The following THSD7B variants were observed in gnomAD, a reference collection of about 807,000 sequenced individuals.
THSD7B encodes thrombospondin type 1 domain containing 7B.
A neutral mutation model predicts 213.6 loss-of-function variants in THSD7B; 138 were observed. The observed-to-expected ratio is 0.65, with a 90% CI of 0.56 to 0.74. The LOEUF (loss-of-function observed/expected upper bound fraction) is 0.74. Among genes scored for constraint, THSD7B ranks in the 30% least tolerant of loss-of-function variants. The pLI, the probability that THSD7B is intolerant of heterozygous loss-of-function variation, is 0.00. For missense variants in THSD7B, 1,931 were observed against 1,991.5 expected, an observed-to-expected ratio of 0.97 and a Z score of 0.58; for synonymous variants, 742 against 687.0, an observed-to-expected ratio of 1.08 and a Z score of -1.25.
chr2:137,210,600 A>G (rs1258130550), intron 7 of THSD7B, among the ~76,000 whole-genome samples: 1 of 152,012 alleles, frequency 6.6e-6, no homozygotes, highest in East Asian at 1.9e-4. Flanking sequence ...ATCTTTATAA[A>G]CTTTGAGTGG....
chr2:137,448,800 A>AAACAACAAAAAC (rs1553450621), intron 14 of THSD7B, among the ~76,000 whole-genome samples: 1 of 144,866 alleles, frequency 6.9e-6, no homozygotes, highest in East Asian at 2.1e-4. Context: ...CTCCATCTCA[A>AAACAACAAAAAC]AACAACAACA....
chr2:137,412,362 A>G (rs1366259091), intron 14 of THSD7B, among the ~76,000 whole-genome samples: 1 of 152,058 alleles, frequency 6.6e-6, no homozygotes, highest in African/African-American at 2.4e-5. Context: ...GCACTTTGAG[A>G]GGCCGAGGCA....
At chr2:137,329,431 T>C (rs1470390856) in intron 12 of THSD7B, among the ~76,000 whole-genome samples, 1 of 152,094 alleles carries the variant, frequency 6.6e-6, no homozygotes, top group Non-Finnish European at 1.5e-5. Flanking sequence ...GGTGGCATGA[T>C]CTCAGCTCAC....
Position 137,233,092 on chromosome 2 carries a change from C to T in THSD7B, c.2109C>T (p.Val703=), listed in dbSNP as rs1190891345. Residue 703 remains valine (V), a synonymous_variant, in exon 9 of 28, where the codon GTC becomes GTT. Transcript: ENST00000409968. ...GTGTAGGCATTCAGACTCGGAGAGT[C>T]TTCTGTGTCAAGAGTCACGTGGGAC... The part of the protein sequence containing the change: ...TCGVGIQTRR[V]FCVKSHVGQV... The T allele has an allele frequency of 1.2e-6, 2 of 1,613,654 alleles. No individual in the cohort carries two copies. The highest frequency in any genetic ancestry group is 2.7e-5 in the African/African-American group (2 of 74,904).
intron 2 of THSD7B, among the ~76,000 whole-genome samples, chr2:137,012,441 G>A (rs1176683884): frequency 6.6e-6 from 1 of 152,228 alleles, no homozygotes; most frequent in Non-Finnish European, 1.5e-5. Context: ...TGTATGGAAA[G>A]ATGCATCTAA....
At chr2:137,438,904 G>A (rs996151013) in intron 14 of THSD7B, among the ~76,000 whole-genome samples, 1 of 152,060 alleles carries the variant, frequency 6.6e-6, no homozygotes, top group African/African-American at 2.4e-5. Flanking sequence ...GTTTGGGGTA[G>A]GCTGTAAAAC....
intron 2 of THSD7B, among the ~76,000 whole-genome samples, chr2:136,996,557 G>A (rs1196730467): frequency 6.6e-6 from 1 of 151,884 alleles, no homozygotes; most frequent in African/African-American, 2.4e-5. Context: ...TGTTGTCCAG[G>A]CTAGTCTTAA....
intron 1 of THSD7B, among the ~76,000 whole-genome samples, chr2:136,806,060 G>C (rs574929791): frequency 3.0e-4 from 46 of 152,326 alleles, no homozygotes; most frequent in African/African-American, 1.1e-3. Flanking sequence ...GAGTCCCTCA[G>C]GGAAATTCAG....
chr2:137,600,898 G>A (rs72983420), intron 17 of THSD7B, among the ~76,000 whole-genome samples: 10,890 of 152,134 alleles, frequency 0.072, 1,194 homozygotes, highest in African/African-American at 0.24. Context: ...GGAGGTGGAA[G>A]ACAGCAAAAT....
At chr2:136,835,976 G>A (rs192525423) in intron 1 of THSD7B, among the ~76,000 whole-genome samples, 16 of 152,282 alleles carry the variant, frequency 1.1e-4, no homozygotes, top group African/African-American at 3.8e-4. Context: ...TAGGAAGTTT[G>A]CGACTACTCT....
chr2:136,995,625 A>G (rs1685870887), intron 2 of THSD7B, among the ~76,000 whole-genome samples: 1 of 152,124 alleles, frequency 6.6e-6, no homozygotes, highest in African/African-American at 2.4e-5. Context: ...AATCAATATC[A>G]AAGGTGTAAT....
chr2:137,332,232 T>C (rs890883123), intron 12 of THSD7B, among the ~76,000 whole-genome samples: 4 of 152,052 alleles, frequency 2.6e-5, no homozygotes, highest in Non-Finnish European at 4.4e-5. Context: ...CTGAAGGCCA[T>C]TGGAGCCTAC....
intron 12 of THSD7B, among the ~76,000 whole-genome samples, chr2:137,316,345 A>G (rs1035630917): frequency 2.6e-5 from 4 of 152,258 alleles, no homozygotes; most frequent in African/African-American, 7.2e-5. Context: ...AAGCTTAACC[A>G]AAAAGTTACT....
chr2:137,059,370 T>C (rs1687227880), intron 3 of THSD7B, among the ~76,000 whole-genome samples: 1 of 152,188 alleles, frequency 6.6e-6, no homozygotes, highest in South Asian at 2.1e-4. Context: ...CTAATATTGA[T>C]ATATTACTGT....
chr2:136,791,710 G>T (rs1015291550), intron 1 of THSD7B, among the ~76,000 whole-genome samples: 6 of 152,030 alleles, frequency 3.9e-5, no homozygotes, highest in Non-Finnish European at 5.9e-5. Context: ...CTGTGTTCAT[G>T]AATATGTACC....
intron 3 of THSD7B, among the ~76,000 whole-genome samples, chr2:137,079,913 C>T (rs779462629): frequency 3.2e-4 from 48 of 152,138 alleles, no homozygotes; most frequent in Non-Finnish European, 1.6e-4. Context: ...GTTCTCAGCT[C>T]ACTGCAACCT....
chr2:137,072,934 T>G (rs1367577552), intron 3 of THSD7B, among the ~76,000 whole-genome samples: 4 of 152,196 alleles, frequency 2.6e-5, no homozygotes, highest in Non-Finnish European at 5.9e-5. Flanking sequence ...TGAACCAGCC[T>G]TGCATCCCAG....
chr2:137,358,127 A>G (rs1032802731), intron 12 of THSD7B, among the ~76,000 whole-genome samples: 2 of 152,172 alleles, frequency 1.3e-5, no homozygotes, highest in Non-Finnish European at 2.9e-5. Flanking sequence ...TCTTTCAAAT[A>G]TTAGAAAACA....
chr2:137,456,030 A>T (rs1404587025), intron 15 of THSD7B, among the ~76,000 whole-genome samples: 2 of 152,226 alleles, frequency 1.3e-5, no homozygotes, highest in African/African-American at 4.8e-5. Flanking sequence ...ATCAAGATTA[A>T]TTACCTGTGC....
Sources: gnomAD v4.1 joint callset for allele counts (sites outside exome capture counted in the v4.1 genomes callset) on GRCh38, gnomAD v4.1.1 for gene constraint, MANE v1.5 for transcripts, NCBI Gene and HGNC (gene_info 2026-07-23, HGNC 2026-07-21) for gene names.